TROAP: variants seen among roughly 807,000 people sequenced by gnomAD.
The protein encoded by TROAP is trophinin associated protein, also known as tastin.
A neutral mutation model predicts 83.4 loss-of-function variants in TROAP; 62 were observed. The ratio of observed to expected loss-of-function variants is 0.74; its 90% CI spans 0.61 to 0.92. The LOEUF is 0.92. Among genes scored for constraint, TROAP ranks in the 40% least tolerant of loss-of-function variants. The pLI is 0.00. For synonymous variants in TROAP, 352 were observed against 386.4 expected, an observed-to-expected ratio of 0.91 and a Z score of 1.04; for missense variants, 876 against 985.1, an observed-to-expected ratio of 0.89 and a Z score of 1.48.
intron 3 of TROAP, among the ~76,000 whole-genome samples, chr12:49,324,727 T>A (rs951752531): frequency 6.8e-6 from 1 of 146,276 alleles, no homozygotes; most frequent in Non-Finnish European, 1.5e-5. Context: ...TCTTTTTTTT[T>A]TTCTTTTCTT....
rs377647846 is a variant in TROAP, at chr12:49,325,993, G to C, written c.634-83G>C. The C allele has an allele frequency of 2.2e-5, 36 of 1,605,094 alleles. No homozygotes were observed. In the African/African-American group the frequency reaches 2.9e-4, roughly 13 times the overall value. On this transcript the variant is annotated intron_variant, in intron 5 of 14. Coordinates refer to ENST00000257909, the MANE Select transcript of TROAP (RefSeq NM_005480.4). Reference sequence around the variant, plus strand: ...TCATGATGAGGCAAGGGATCCTACTGGGGGAGATGGGGTTGGTGGTGAGGC... The same window carrying C: ...TCATGATGAGGCAAGGGATCCTACTCGGGGAGATGGGGTTGGTGGTGAGGC...
chr12:49,329,822 C>G lies in TROAP; in HGVS notation c.1165-35C>G. 6.2e-7 allele frequency: 1 copy of G among 1,608,682 alleles called. No individual in the cohort carries two copies. Among genetic ancestry groups the G allele is most frequent in the East Asian group, 2.2e-5 (1 of 44,820 alleles). ...AGGCTGGTCTTTCTCCTGCCCCAGC[C>G]TGGCTTGCTTGTGTGCCTTGTTCCT... On this transcript the variant is annotated intron_variant, in intron 11 of 14. Transcript: ENST00000257909. The surrounding 1 kb of genome is among the most constrained non-coding windows in gnomAD (Gnocchi z 4.5).
At position 49,330,936 on chromosome 12, in the gene TROAP, C is replaced by T. The variant is rs758634136; in HGVS notation, c.2091C>T (p.Gly697=). The change falls in exon 13 of 15, where the codon GGC becomes GGT. Residue 697 remains glycine (G), a synonymous_variant. Coordinates refer to ENST00000257909, the MANE Select transcript of TROAP (RefSeq NM_005480.4). ...TCCAGTCTTTGAGACCCCCAGCAGG[C>T]CAGGCAGGTAAGGAGTTGGCTGGGA... ...CSLQSLRPPA[G]QAGLSNLAPR... The T allele has an allele frequency of 2.5e-6, 4 of 1,610,918 alleles. No individual in the cohort carries two copies. Among genetic ancestry groups the T allele is most frequent in the South Asian group, 2.2e-5 (2 of 91,090 alleles).
chr12:49,328,863 C>T, intron 8 of TROAP, 64 bp from the exon 9 acceptor site: 1 of 1,098,006 alleles, frequency 9.1e-7, no homozygotes, highest in Admixed American at 2.8e-5. Context: ...GACTCCGTAT[C>T]AAAAAAAAAA....
chr12:49,327,088 T>C, intron 7 of TROAP, 121 bp from the exon 8 acceptor site: 2 of 1,266,708 alleles, frequency 1.6e-6, no homozygotes, highest in African/African-American at 3.0e-5. Flanking sequence ...GATGGGTTCC[T>C]GTCCCTAATA....
At position 49,330,325 on chromosome 12, in the gene TROAP, C is replaced by T; in HGVS notation, c.1480C>T (p.Leu494=). 1 of 1,614,150 alleles carries T rather than the reference C, an allele frequency of 6.2e-7. No homozygotes were observed. The highest frequency in any genetic ancestry group is 8.5e-7 in the Non-Finnish European group (1 of 1,179,994). The change falls in exon 13 of 15, where the codon CTG becomes TTG. Residue 494 remains leucine (L), a synonymous_variant. Transcript: ENST00000257909. ...CTCTGGGACTTCCCACCTTCCTGGA[C>T]TGTTAAAACACTCAGGGCTGCCAAA... ...HNSGTSHLPG[L]LKHSGLPKPC...
chr12:49,331,474 A>G (rs1054035103), intron 14 of TROAP, 67 bp downstream of exon 14: 2 of 1,609,906 alleles, frequency 1.2e-6, no homozygotes, highest in Admixed American at 1.7e-5. Context: ...GGGAACAGGG[A>G]CAGGGGGCCA....
rs1478360961 is a variant in TROAP, at chr12:49,330,745, G to A, written c.1900G>A (p.Gly634Arg). The change falls in exon 13 of 15, where the codon GGG becomes AGG. Residue 634 changes from glycine to arginine, a missense_variant. Physicochemically the swap from Gly to Arg is moderately radical, Grantham distance 125. This residue lies in a region of TROAP where 184 missense variants were observed against 238.3 expected (regional missense o/e 0.77). Coordinates refer to ENST00000257909, the MANE Select transcript of TROAP (RefSeq NM_005480.4). ...CACCCAGGGGCAGTCTGGACCCCCAGGGCCCTGCCCTAGGGTAGAGCTGGG... is the reference window on the plus strand; with the variant it reads ...CACCCAGGGGCAGTCTGGACCCCCAAGGCCCTGCCCTAGGGTAGAGCTGGG... ...PSTQGQSGPP[G>R]PCPRVELGAS... 6.2e-7 allele frequency: 1 copy of A among 1,614,002 alleles called. No homozygotes were observed. The highest frequency in any genetic ancestry group is 1.7e-5 in the Admixed American group (1 of 60,018).
chr12:49,326,870 C>A, intron 7 of TROAP, 150 bp downstream of exon 7: 2 of 870,266 alleles, frequency 2.3e-6, no homozygotes, highest in Non-Finnish European at 3.5e-6. Context: ...AAGAGACCTT[C>A]TAGATAGGCC....
chr12:49,323,952 GA>G lies in TROAP; in HGVS notation c.253del (p.Ile85SerfsTer34). The G allele has an allele frequency of 1.2e-6, 2 of 1,614,202 alleles. No homozygotes were observed. The highest frequency in any genetic ancestry group is 1.7e-6 in the Non-Finnish European group (2 of 1,180,052). The part of the protein sequence containing the change: ...QAETSQRLVG[I>X]SQPRNPLEEL... The stretch of plus-strand genomic sequence containing the variant: ...CAGAGACATCACAAAGATTGGTGGG[GA>G]TCAGTCAGCCTCGGAACCCCTTGGA... On this transcript the variant is annotated frameshift_variant, in exon 3 of 15. Transcript: ENST00000257909. LOFTEE classifies it high-confidence loss of function.
At chr12:49,331,175 G>A (rs1303819727) in intron 13 of TROAP, 39 bp from the exon 14 acceptor site, 1 of 1,612,398 alleles carries the variant, frequency 6.2e-7, no homozygotes, top group East Asian at 2.2e-5. Flanking sequence ...TGGAAGTATA[G>A]GACCCCAGAC....
chr12:49,331,378 G>T lies in TROAP; in HGVS notation c.2263G>T (p.Ala755Ser). The T allele has an allele frequency of 1.2e-6, 2 of 1,613,920 alleles. No homozygotes were observed. Among genetic ancestry groups the T allele is most frequent in the Non-Finnish European group, 1.7e-6 (2 of 1,179,854 alleles). Residue 755 changes from alanine (A) to serine (S), a missense_variant, in exon 14 of 15, where the codon GCT becomes TCT. Physicochemically the swap from Ala to Ser is moderately conservative, Grantham distance 99. Coordinates refer to ENST00000257909, the MANE Select transcript of TROAP (RefSeq NM_005480.4). The part of the protein sequence containing the change: ...GPTRVCTNPV[A>S]TLLEWQDALC... ...CACCCGGGTCTGCACCAACCCTGTG[G>T]CTACATTACTCGAATGGCAGGATGC...
chr12:49,331,037 T>A, intron 13 of TROAP, 94 bp downstream of exon 13: 1 of 1,560,426 alleles, frequency 6.4e-7, no homozygotes, highest in South Asian at 1.1e-5. Flanking sequence ...GGCAATCTCA[T>A]GCTTCCACAC....
At chr12:49,325,920 TG>T in intron 5 of TROAP, 36 bp downstream of exon 5, 1 of 1,606,554 alleles carries the variant, frequency 6.2e-7, no homozygotes, top group East Asian at 2.2e-5. Context: ...TCGGTGCTTC[TG>T]GGAGCTCCTT....
rs776852926 is a variant in TROAP at position 49,323,626 on chromosome 12, C to A, written c.18C>A (p.Ala6=). 2.5e-6 allele frequency: 4 copies of A among 1,613,854 alleles called. No homozygotes were observed. In the African/African-American group the frequency reaches 5.3e-5, roughly 22 times the overall value. Residue 6 remains alanine, a synonymous_variant, in exon 2 of 15, where the codon GCC becomes GCA. Transcript: ENST00000257909. ...TAGCCATCATGACCACCCGGCAAGC[C>A]ACGAAGGATCCCCTCCTCCGGGGTG... MTTRQ[A]TKDPLLRGVS...
At position 49,330,425 on chromosome 12, in the gene TROAP, G is replaced by T. The variant is rs370135176; in HGVS notation, c.1580G>T (p.Cys527Phe). ...GAGCCTGGGCCCCCAGAGGCCTTCT[G>T]TAGGAGTGAGCCTGAGATACCAGAG... ...PAEPGPPEAF[C>F]RSEPEIPEPS... Residue 527 changes from cysteine (C) to phenylalanine (F), a missense_variant, in exon 13 of 15, where the codon TGT (cysteine) becomes TTT (phenylalanine). Cys to Phe is a radical substitution (Grantham distance 205). Transcript: ENST00000257909. 1 of 1,613,836 alleles carries T rather than the reference G, an allele frequency of 6.2e-7. No individual in the cohort carries two copies. The highest frequency in any genetic ancestry group is 1.3e-5 in the African/African-American group (1 of 74,848).
chr12:49,331,293 C>G lies in TROAP; in HGVS notation c.2178C>G (p.His726Gln). ...GTTTAACCGCCATCCACTGCTTCCA[C>G]GAGGCTCGTCTGGACGATGAGTGTG... ...KSCLTAIHCF[H>Q]EARLDDECAF... Residue 726 changes from histidine (H) to glutamine (Q), a missense_variant, in exon 14 of 15, where the codon CAC (histidine) becomes CAG (glutamine). His to Gln is a conservative substitution (Grantham distance 24). Around this residue, in one of 3 missense-constraint regions of TROAP, gnomAD observed 184 missense variants for 238.3 expected, o/e 0.77. Coordinates refer to ENST00000257909, the MANE Select transcript of TROAP (RefSeq NM_005480.4). 6.2e-7 allele frequency: 1 copy of G among 1,614,234 alleles called. No individual in the cohort carries two copies. Among genetic ancestry groups the G allele is most frequent in the Non-Finnish European group, 8.5e-7 (1 of 1,180,052 alleles).
chr12:49,324,909 CTTTTTTTTTTT>C (rs891098022), intron 3 of TROAP, among the ~76,000 whole-genome samples: 1 of 112,538 alleles, frequency 8.9e-6, no homozygotes, highest in Admixed American at 9.1e-5. Flanking sequence ...TGTTTTCTTT[CTTTTTTTTTTT>C]TTTTTTTTTG....
Position 49,323,308 on chromosome 12 carries a change from A to G in TROAP, c.-47A>G. The stretch of plus-strand genomic sequence containing the variant: ...AGCAGCACCCGAGAGGGTCAGGAGA[A>G]AAGCGGAGGAAGCTGGGTAGGCCCT... On this transcript the variant is annotated 5_prime_UTR_variant, in exon 1 of 15. Transcript: ENST00000257909. The G allele has an allele frequency of 3.0e-6, 1 of 332,894 alleles. No individual in the cohort carries two copies. 20.6% of individuals were successfully genotyped at this position (332,894 alleles called of 1,614,324 possible).
Sources: gnomAD v4.1 joint callset for allele counts (sites outside exome capture counted in the v4.1 genomes callset) on GRCh38, gnomAD v4.1.1 for gene constraint, gnomAD v4.1.1 regional missense constraint, Gnocchi (gnomAD v3.1) non-coding constraint, MANE v1.5 for transcripts, NCBI Gene and HGNC (gene_info 2026-07-23, HGNC 2026-07-21) for gene names.